The following MPRIP variants were observed in gnomAD, a reference collection of about 807,000 sequenced individuals.
The protein encoded by MPRIP is myosin phosphatase Rho interacting protein, also known as myosin phosphatase Rho-interacting protein.
MPRIP carries 59 observed loss-of-function variants against 234.9 expected under a neutral mutation model. That is an observed-to-expected ratio of 0.25 (90% CI 0.20 to 0.31). The LOEUF (loss-of-function observed/expected upper bound fraction) is 0.31, where lower values mean the gene tolerates loss of function less well. MPRIP is among the 10% of genes least tolerant of loss of function. The pLI, the probability that MPRIP is intolerant of heterozygous loss-of-function variation, is 1.00. For missense variants in MPRIP, 2,436 were observed against 3,071.0 expected (o/e 0.79, Z 4.89); for synonymous variants, 1,144 against 1,263.9 (o/e 0.91, Z 2.01).
chr17:17,119,015 A>G (rs962498667), intron 3 of MPRIP, among the ~76,000 whole-genome samples: 7 of 152,114 alleles, frequency 4.6e-5, no homozygotes, highest in Non-Finnish European at 8.8e-5. Context: ...AAGAGCCGGG[A>G]GACCACCTTT....
At chr17:17,127,210 C>G (rs1056699620) in intron 4 of MPRIP, among the ~76,000 whole-genome samples, 1 of 152,222 alleles carries the variant, frequency 6.6e-6, no homozygotes, top group Non-Finnish European at 1.5e-5. Flanking sequence ...GATGGCTGCT[C>G]CTCCTTCCAG....
intron 16 of MPRIP, among the ~76,000 whole-genome samples, chr17:17,169,357 G>C (rs79902602): frequency 0.066 from 10,088 of 152,296 alleles, 397 homozygotes; most frequent in African/African-American, 0.098. Flanking sequence ...GCAATGCCCT[G>C]CTTCCTGTCT....
At chr17:17,057,336 G>A (rs542353279) in intron 1 of MPRIP, among the ~76,000 whole-genome samples, 13 of 152,382 alleles carry the variant, frequency 8.5e-5, no homozygotes, top group South Asian at 4.1e-4. Flanking sequence ...TCAGCTGCTC[G>A]GAGGTACACG....
At chr17:17,085,684 C>G (rs189148725) in intron 3 of MPRIP, among the ~76,000 whole-genome samples, 1 of 152,190 alleles carries the variant, frequency 6.6e-6, no homozygotes, top group East Asian at 1.9e-4. Flanking sequence ...GAGGCCGAGG[C>G]GAGCAGATCA....
Position 17,166,089 on chromosome 17 carries a change from G to C in MPRIP, c.4498G>C (p.Ala1500Pro). The C allele has an allele frequency of 7.7e-7, 1 of 1,298,938 alleles. No individual in the cohort carries two copies. The highest frequency in any genetic ancestry group is 1.5e-5 in the African/African-American group (1 of 65,896). 80.5% of individuals were successfully genotyped at this position (1,298,938 alleles called of 1,614,324 possible). A position where few individuals can be genotyped will look rare whatever the true frequency, so the allele number is the denominator to read the frequency against. Residue 1500 changes from alanine to proline, a missense_variant, in exon 16 of 24, where the codon GCA becomes CCA. Coordinates refer to ENST00000651222, the MANE Select transcript of MPRIP (RefSeq NM_001364716.4). This position sits in a 1 kb window ranked among gnomAD's most constrained non-coding sequence, Gnocchi z 4.4. ...GGCCAGCCAGGAGGATGAGCAGGAC[G>C]CACGCGCAGCCTCCCTGGCCAGTGT... ...PRASQEDEQD[A>P]RAASLASVES...
Position 17,158,902 on chromosome 17 carries a change from G to A in MPRIP, c.2300G>A (p.Arg767Gln), listed in dbSNP as rs1056767904. The change falls in exon 14 of 24, where the codon CGG becomes CAG. Residue 767 changes from arginine to glutamine, a missense_variant. Arg to Gln is a conservative substitution (Grantham distance 43). Around this residue, in one of 4 missense-constraint regions of MPRIP, gnomAD observed 1,998 missense variants for 2,520.3 expected, o/e 0.79. Transcript: ENST00000651222. ...RWHQVETTPL[R>Q]EEKQVPIAPV... is the part of the protein sequence containing the mutation. The stretch of plus-strand genomic sequence containing the variant: ...CATCAGGTGGAGACCACACCTCTCC[G>A]GGAAGAGAAGCAGGTGCCCATCGCC... 8 of 1,612,316 alleles carry A rather than the reference G, an allele frequency of 5.0e-6. No homozygotes were observed. The highest frequency in any genetic ancestry group is 2.7e-5 in the African/African-American group (2 of 74,918).
At chr17:17,140,957 G>T (rs758071037) in intron 7 of MPRIP, among the ~76,000 whole-genome samples, 1 of 152,120 alleles carries the variant, frequency 6.6e-6, no homozygotes, top group South Asian at 2.1e-4. Context: ...AGCTTCCAGG[G>T]CACCAAGTAA....
chr17:17,091,581 G>A (rs1322152365), intron 3 of MPRIP, among the ~76,000 whole-genome samples: 1 of 152,208 alleles, frequency 6.6e-6, no homozygotes, highest in African/African-American at 2.4e-5. Flanking sequence ...AGGGTCATGC[G>A]GCTGGTTGTC....
chr17:17,168,321 A>T lies in MPRIP; in HGVS notation c.6324+406A>T, dbSNP rs72837951. ...AGCCCAAATCTGAGGCAGCTGCCTGAGGACAGCCTTGTACTCACAGCAACA... is the reference window on the plus strand; with the variant it reads ...AGCCCAAATCTGAGGCAGCTGCCTGTGGACAGCCTTGTACTCACAGCAACA... On this transcript the variant is annotated intron_variant, in intron 16 of 23. Coordinates refer to ENST00000651222, the MANE Select transcript of MPRIP (RefSeq NM_001364716.4). 8.7e-3 allele frequency: 2,263 copies of T among 260,534 alleles called. 13 individuals carry two copies. The highest frequency in any genetic ancestry group is 0.013 in the Admixed American group (254 of 19,716). The allele number at this position is 260,534 out of a possible 1,614,324, so 16.1% of individuals were successfully genotyped here.
intron 16 of MPRIP, chr17:17,168,466 C>T: frequency 3.5e-6 from 1 of 282,060 alleles, no homozygotes; most frequent in South Asian, 3.5e-5. Context: ...GTGAGAAGAA[C>T]TTTCCCACGG....
rs1157142141 is a variant in MPRIP, at chr17:17,192,418, C to CTTTT, written c.*7530_*7533dup. 5 of 24,634 alleles carry CTTTT rather than the reference C, an allele frequency of 2.0e-4. No homozygotes were observed. The highest frequency in any genetic ancestry group is 1.5e-3 in the African/African-American group (5 of 3,436). The allele number at this position is 24,634 out of a possible 1,614,324, so 1.5% of individuals were successfully genotyped here. On this transcript the variant is annotated 3_prime_UTR_variant, in exon 24 of 24. Transcript: ENST00000651222. Reference sequence around the variant, plus strand: ...GAAAGCCTGACCAGCTGAGCTGCTGCTTTTTTTTTGGGGGGGGGGGGGGGA... The same window carrying CTTTT: ...GAAAGCCTGACCAGCTGAGCTGCTGCTTTTTTTTTTTTTGGGGGGGGGGGGGGGA...
Position 17,062,390 on chromosome 17 carries a change from G to A in MPRIP, c.124-13320G>A, listed in dbSNP as rs576497759. 7.9e-5 allele frequency among the ~76,000 whole-genome samples: 12 copies of A among 152,342 alleles called. No individual in the cohort carries two copies. In the South Asian group the frequency reaches 2.5e-3, roughly 32 times the overall value. On this transcript the variant is annotated intron_variant, in intron 1 of 23. Coordinates refer to ENST00000651222, the MANE Select transcript of MPRIP (RefSeq NM_001364716.4). ...AAATCAAGCAAAAGCCCCCAAACCT[G>A]CTGCTGATCTTGGCAGTCCGCATAA...
rs753453000 is a variant in MPRIP, at chr17:17,166,724, C to T, written c.5133C>T (p.Ile1711=). 1.5e-6 allele frequency: 2 copies of T among 1,304,154 alleles called. No individual in the cohort carries two copies. The highest frequency in any genetic ancestry group is 5.5e-5 in the East Asian group (1 of 18,028). The allele number at this position is 1,304,154 out of a possible 1,614,324, so 80.8% of individuals were successfully genotyped here. The part of the protein sequence containing the change: ...LRQHKCLLRE[I]LGAYQTPDFE... Reference sequence around the variant, plus strand: ...AGCACAAATGCCTGCTGAGGGAAATCCTGGGAGCCTACCAAACCCCAGACT... The same window carrying T: ...AGCACAAATGCCTGCTGAGGGAAATTCTGGGAGCCTACCAAACCCCAGACT... Residue 1711 remains isoleucine (I), a synonymous_variant, in exon 16 of 24, where the codon ATC becomes ATT. Transcript: ENST00000651222. This position sits in a 1 kb window ranked among gnomAD's most constrained non-coding sequence, Gnocchi z 4.4.
chr17:17,173,986 A>G lies in MPRIP; in HGVS notation c.6661A>G (p.Asn2221Asp). ...GCAGTACTCGCAGAAGTGCCTGGAG[A>G]ATGCCCATCTGGCCCAGGCGCTGGA... ...SEQYSQKCLE[N>D]AHLAQALEAE... The change falls in exon 19 of 24, where the codon AAT (asparagine) becomes GAT (aspartate). Residue 2221 changes from asparagine (N) to aspartate (D), a missense_variant. Coordinates refer to ENST00000651222, the MANE Select transcript of MPRIP (RefSeq NM_001364716.4). 6.2e-7 allele frequency: 1 copy of G among 1,613,716 alleles called. No individual in the cohort carries two copies. Among genetic ancestry groups the G allele is most frequent in the Non-Finnish European group, 8.5e-7 (1 of 1,180,014 alleles).
chr17:17,126,830 G>T lies in MPRIP; in HGVS notation c.396G>T (p.Ala132=). The change falls in exon 4 of 24, where the codon GCG becomes GCT. Residue 132 remains alanine (A), a synonymous_variant. Transcript: ENST00000651222. ...CTGAGAAGGAGCATTTCATCCGGGC[G>T]GAGACCAAGGAGATCGTCAGTGGGT... ...LTPEKEHFIR[A]ETKEIVSGWL... is the part of the protein sequence containing the mutation. 1 of 1,614,060 alleles carries T rather than the reference G, an allele frequency of 6.2e-7. No individual in the cohort carries two copies. Among genetic ancestry groups the T allele is most frequent in the Non-Finnish European group, 8.5e-7 (1 of 1,179,922 alleles).
intron 3 of MPRIP, among the ~76,000 whole-genome samples, chr17:17,099,579 T>C (rs1465275074): frequency 6.6e-6 from 1 of 152,094 alleles, no homozygotes; most frequent in African/African-American, 2.4e-5. Flanking sequence ...TTTTGAAAAT[T>C]AGCTGGATGT....
intron 3 of MPRIP, among the ~76,000 whole-genome samples, chr17:17,095,910 C>T (rs1442426214): frequency 1.3e-5 from 2 of 152,218 alleles, no homozygotes; most frequent in Non-Finnish European, 2.9e-5. Context: ...TCCATGTATC[C>T]AGCCACTTCC....
intron 1 of MPRIP, among the ~76,000 whole-genome samples, chr17:17,054,824 C>T (rs2088644911): frequency 6.6e-6 from 1 of 152,040 alleles, no homozygotes; most frequent in Non-Finnish European, 1.5e-5. Flanking sequence ...CCAAGGTGGG[C>T]AGATTGCTTG....
intron 1 of MPRIP, among the ~76,000 whole-genome samples, chr17:17,045,808 T>G (rs894055288): frequency 2.9e-4 from 24 of 83,924 alleles, no homozygotes; most frequent in Admixed American, 3.5e-4. Context: ...AAATATACAG[T>G]TTTTTTTTTT....
Sources: allele counts gnomAD v4.1 joint callset (sites outside exome capture counted in the v4.1 genomes callset), GRCh38; gene constraint gnomAD v4.1.1; regional missense constraint gnomAD v4.1.1; non-coding constraint Gnocchi (gnomAD v3.1); transcripts MANE v1.5; gene names NCBI Gene and HGNC (gene_info 2026-07-23, HGNC 2026-07-21).